Variants in PARP4 observed in about 807,000 individuals in gnomAD.
PARP4 encodes the protein protein mono-ADP-ribosyltransferase PARP4.
In PARP4, 120 loss-of-function variants were observed where a neutral mutation model predicts 187.7. That is an observed-to-expected ratio of 0.64 (90% CI 0.55 to 0.74). The LOEUF is 0.74. Among genes scored for constraint, PARP4 ranks in the 30% least tolerant of loss-of-function variants. The probability of loss-of-function intolerance (pLI) is 0.00; values close to 1 mark genes in which losing one functional copy is unlikely to be tolerated. For synonymous variants in PARP4, 654 were observed against 740.9 expected, an observed-to-expected ratio of 0.88 and a Z score of 1.90; for missense variants, 1,836 against 2,070.5, an observed-to-expected ratio of 0.89 and a Z score of 2.20.
intron 21 of PARP4, among the ~76,000 whole-genome samples, chr13:24,455,927 T>A (rs974237667): frequency 2.0e-5 from 3 of 152,126 alleles, no homozygotes; most frequent in Non-Finnish European, 4.4e-5. Flanking sequence ...CCAGCCTAAG[T>A]TTCTATTTTT....
chr13:24,463,405 A>G (rs1413983498), intron 17 of PARP4, among the ~76,000 whole-genome samples: 1 of 152,160 alleles, frequency 6.6e-6, no homozygotes, highest in East Asian at 1.9e-4. Flanking sequence ...AAGCAGAAGG[A>G]AGATTTCTTT....
intron 30 of PARP4, among the ~76,000 whole-genome samples, chr13:24,436,282 G>C (rs1565989753): frequency 1.3e-5 from 2 of 152,192 alleles, no homozygotes; most frequent in Non-Finnish European, 2.9e-5. Context: ...TGGAAAAACA[G>C]TCTCAAAAGC....
chr13:24,491,123 T>C (rs1398933776), intron 9 of PARP4, among the ~76,000 whole-genome samples: 1 of 139,800 alleles, frequency 7.2e-6, no homozygotes, highest in Non-Finnish European at 1.6e-5. Context: ...ATGACTGACA[T>C]TTTTTTTTTT....
chr13:24,499,038 C>G (rs1869120687), intron 5 of PARP4, among the ~76,000 whole-genome samples: 1 of 152,098 alleles, frequency 6.6e-6, no homozygotes, highest in Admixed American at 6.5e-5. Context: ...GTGGCTCATG[C>G]TTGTAATCCC....
At chr13:24,429,830 T>C (rs1870245555) in intron 32 of PARP4, among the ~76,000 whole-genome samples, 1 of 152,180 alleles carries the variant, frequency 6.6e-6, no homozygotes. Context: ...TTCCCTCCTT[T>C]ATAGGATTTT....
At chr13:24,424,085 A>T (rs966569840) in intron 33 of PARP4, among the ~76,000 whole-genome samples, 1 of 152,104 alleles carries the variant, frequency 6.6e-6, no homozygotes, top group African/African-American at 2.4e-5. Flanking sequence ...TCAGCCTCCT[A>T]AAGTGCTTGG....
intron 22 of PARP4, among the ~76,000 whole-genome samples, chr13:24,454,422 C>T (rs1871709643): frequency 6.6e-6 from 1 of 152,196 alleles, no homozygotes; most frequent in Non-Finnish European, 1.5e-5. Context: ...CCCCTCACTC[C>T]ACTCCACGCA....
intron 22 of PARP4, 84 bp downstream of exon 22, chr13:24,454,933 C>T (rs943370481): frequency 7.5e-5 from 85 of 1,135,248 alleles, no homozygotes; most frequent in Non-Finnish European, 9.4e-5. Flanking sequence ...CAGGCAGGGT[C>T]GGGTACCCAC....
intron 21 of PARP4, among the ~76,000 whole-genome samples, chr13:24,455,614 C>CT (rs1233823030): frequency 0.012 from 1,382 of 116,268 alleles, 15 homozygotes; most frequent in African/African-American, 0.018. Flanking sequence ...TGTAAGTTTC[C>CT]TTTTTTTTTT....
chr13:24,443,048 T>C (rs1440461118), intron 28 of PARP4, among the ~76,000 whole-genome samples: 7 of 151,698 alleles, frequency 4.6e-5, no homozygotes, highest in African/African-American at 7.3e-5. Flanking sequence ...CTGAGGAGAA[T>C]AGGGAGACCA....
At chr13:24,477,641 A>G in intron 14 of PARP4, 60 bp downstream of exon 14, 1 of 900,078 alleles carries the variant, frequency 1.1e-6, no homozygotes. Flanking sequence ...CATTGAAAAT[A>G]TAACATTTGA....
chr13:24,500,242 A>C (rs1869197023), intron 4 of PARP4, 74 bp downstream of exon 4: 2 of 743,270 alleles, frequency 2.7e-6, no homozygotes, highest in Non-Finnish European at 4.4e-6. Flanking sequence ...ATAGAATTTT[A>C]ATACTGTGCT....
rs1382832238 is a variant in PARP4 at position 24,490,769 on chromosome 13, G to A, written c.1113C>T (p.Ser371=). Residue 371 remains serine, a synonymous_variant, in exon 10 of 34, where the codon TCC becomes TCT. Coordinates refer to ENST00000381989, the MANE Select transcript of PARP4 (RefSeq NM_006437.4). ...ACCTCAAAGCTCGGTATTTGGCCAGGGATGGTGGGTTGGGTTTGGACAAAT... is the reference window on the plus strand; with the variant it reads ...ACCTCAAAGCTCGGTATTTGGCCAGAGATGGTGGGTTGGGTTTGGACAAAT... ...ETNLSKPNPP[S]LAKYRALRCK... is the part of the protein sequence containing the mutation. 6.2e-7 allele frequency: 1 copy of A among 1,613,942 alleles called. No individual in the cohort carries two copies.
chr13:24,458,183 C>G (rs953994139), intron 20 of PARP4, among the ~76,000 whole-genome samples: 4 of 151,236 alleles, frequency 2.6e-5, no homozygotes, highest in African/African-American at 9.7e-5. Flanking sequence ...AATCTCAGCT[C>G]ACTGCAAGCT....
At position 24,459,535 on chromosome 13, in the gene PARP4, ACACACACACACG is replaced by A. The variant is rs548756867; in HGVS notation, c.2299-237_2299-226del. Reference sequence around the variant, plus strand: ...ACTCTACATATGTCTGTGTGTATACACACACACACACGCACACACACACACACACACATTTTA... The same window carrying A: ...ACTCTACATATGTCTGTGTGTATACACACACACACACACACACACATTTTA... On this transcript the variant is annotated intron_variant, in intron 18 of 33. Coordinates refer to ENST00000381989, the MANE Select transcript of PARP4 (RefSeq NM_006437.4). The A allele has an allele frequency of 9.9e-3, 3,335 of 337,102 alleles. 46 individuals are homozygous for A. The highest frequency in any genetic ancestry group is 0.05 in the African/African-American group (2,013 of 40,362). The allele number at this position is 337,102 out of a possible 1,614,324, so 20.9% of individuals were successfully genotyped here.
chr13:24,501,770 T>G lies in PARP4; in HGVS notation c.197A>C (p.Lys66Thr). 1 of 1,612,888 alleles carries G rather than the reference T, an allele frequency of 6.2e-7. No individual in the cohort carries two copies. Residue 66 changes from lysine (K) to threonine (T), a missense_variant, in exon 3 of 34, where the codon AAG (lysine) becomes ACG (threonine). Physicochemically the swap from Lys to Thr is moderately conservative, Grantham distance 78. This residue lies in a region of PARP4 where 1,147 missense variants were observed against 1,214.2 expected (regional missense o/e 0.94). Transcript: ENST00000381989. ...TGGGTTTGCAATATGAACGTGGTTC[T>G]TTTGGATAGAATTCAGTTGGTACTG... ...LSQYQLNSIQ[K>T]NHVHIANPDF...
intron 14 of PARP4, among the ~76,000 whole-genome samples, chr13:24,475,875 C>T (rs1013476383): frequency 2.6e-5 from 4 of 151,980 alleles, no homozygotes; most frequent in Non-Finnish European, 5.9e-5. Context: ...GACCCCTCCT[C>T]TCTGGCTCAG....
At chr13:24,444,090 C>G (rs1280480812) in intron 27 of PARP4, among the ~76,000 whole-genome samples, 1 of 152,242 alleles carries the variant, frequency 6.6e-6, no homozygotes, top group Non-Finnish European at 1.5e-5. Context: ...GAAGAGCCAC[C>G]TTGGCCCTGG....
At chr13:24,449,133 A>G (rs981167795) in intron 25 of PARP4, among the ~76,000 whole-genome samples, 1 of 152,182 alleles carries the variant, frequency 6.6e-6, no homozygotes, top group Admixed American at 6.5e-5. Flanking sequence ...TCACGCCTGT[A>G]ATCCCAGCAC....
Sources: gnomAD v4.1 joint callset for allele counts (sites outside exome capture counted in the v4.1 genomes callset) on GRCh38, gnomAD v4.1.1 for gene constraint, gnomAD v4.1.1 regional missense constraint, MANE v1.5 for transcripts, NCBI Gene and HGNC (gene_info 2026-07-23, HGNC 2026-07-21) for gene names.